Variants in EPHX2 observed in about 807,000 individuals in gnomAD.
EPHX2 encodes bifunctional epoxide hydrolase 2.
EPHX2 carries 74 observed loss-of-function variants against 78.7 expected under a neutral mutation model. The observed-to-expected ratio is 0.94, with a 90% CI of 0.78 to 1.14. The LOEUF is 1.14. Ranked by LOEUF, EPHX2 falls within the 50% of genes most tolerant of loss-of-function variation. EPHX2 has a pLI of 0.00. For missense variants in EPHX2, 715 were observed against 702.5 expected (o/e 1.02, Z -0.20); for synonymous variants, 251 against 255.2 (o/e 0.98, Z 0.16).
chr8:27,503,516 C>T lies in EPHX2; in HGVS notation c.187-88C>T, dbSNP rs1163633082. 2.3e-5 allele frequency: 33 copies of T among 1,413,306 alleles called. No individual in the cohort carries two copies. The Admixed American group carries it at 7.1e-4, about 30-fold the overall frequency. 87.5% of individuals were successfully genotyped at this position (1,413,306 alleles called of 1,614,324 possible). On this transcript the variant is annotated intron_variant, in intron 2 of 18. Transcript: ENST00000521400. ...GTCCAGGAGTGGAATTGCTTGGTCA[C>T]AGGGAATGTATATGTTTAGATTTAG... is the stretch of plus-strand genomic sequence containing the variant.
At chr8:27,503,381 A>G (rs1055782118) in intron 2 of EPHX2, among the ~76,000 whole-genome samples, 1 of 152,158 alleles carries the variant, frequency 6.6e-6, no homozygotes, top group Non-Finnish European at 1.5e-5. Context: ...TTCTGCTGTT[A>G]GTGGGCATTT....
intron 13 of EPHX2, among the ~76,000 whole-genome samples, chr8:27,538,112 GGAAGGCA>G (rs1815271024): frequency 6.6e-6 from 1 of 152,156 alleles, no homozygotes; most frequent in Admixed American, 6.5e-5. Flanking sequence ...CAAGCACTTG[GGAAGGCA>G]GGCCTAGAGC....
intron 2 of EPHX2, among the ~76,000 whole-genome samples, chr8:27,501,382 TTC>T (rs1491175033): frequency 4.4e-5 from 5 of 114,526 alleles, no homozygotes; most frequent in African/African-American, 7.8e-5. Context: ...CTTCTTCTTC[TTC>T]TTCTTCTTCT....
intron 6 of EPHX2, 61 bp downstream of exon 6, chr8:27,511,971 C>G (rs1814267911): frequency 6.6e-7 from 1 of 1,515,366 alleles, no homozygotes. Flanking sequence ...CTAAAACGAC[C>G]AGCAGAGACA....
chr8:27,530,343 G>A (rs1189057745), intron 12 of EPHX2, among the ~76,000 whole-genome samples: 1 of 152,166 alleles, frequency 6.6e-6, no homozygotes, highest in African/African-American at 2.4e-5. Context: ...CCTGTGTTGT[G>A]TAAAGTAAAA....
At position 27,531,439 on chromosome 8, in the gene EPHX2, A is replaced by G. The variant is rs769274991; in HGVS notation, c.1171-5345A>G. 5.8e-4 allele frequency among the ~76,000 whole-genome samples: 88 copies of G among 152,214 alleles called. 1 individual carries two copies. Among genetic ancestry groups the G allele is most frequent in the Non-Finnish European group, 1.2e-3 (84 of 68,034 alleles). On this transcript the variant is annotated intron_variant, in intron 12 of 18. Coordinates refer to ENST00000521400, the MANE Select transcript of EPHX2 (RefSeq NM_001979.6). ...AAGGTCAACAGTTTGCTGTCTGCCC[A>G]GATTTCGGATGCTTCCAGCCACTGC...
intron 1 of EPHX2, among the ~76,000 whole-genome samples, chr8:27,498,950 A>G (rs1387723653): frequency 3.3e-5 from 5 of 152,186 alleles, no homozygotes; most frequent in Admixed American, 2.0e-4. Context: ...AAAGGAATTT[A>G]TTTCTTGCAG....
At chr8:27,531,134 G>A (rs1815026242) in intron 12 of EPHX2, among the ~76,000 whole-genome samples, 1 of 152,242 alleles carries the variant, frequency 6.6e-6, no homozygotes, top group Admixed American at 6.5e-5. Flanking sequence ...TAAATTGGCA[G>A]TGTTGTGTTA....
In EPHX2 at chr8:27,543,775, G is replaced by C; in HGVS notation, c.1476G>C (p.Thr492=). The part of the protein sequence containing the change: ...RKILIPALMV[T]AEKDFVLVPQ... ...TCCTGATTCCGGCCCTGATGGTCAC[G>C]GCGGAGAAGGACTTCGTGCTCGTTC... Residue 492 remains threonine (T), a synonymous_variant, in exon 17 of 19, where the codon ACG becomes ACC. Transcript: ENST00000521400. 4 of 1,614,076 alleles carry C rather than the reference G, an allele frequency of 2.5e-6. No homozygotes were observed. The highest frequency in any genetic ancestry group is 3.4e-6 in the Non-Finnish European group (4 of 1,180,004).
downstream of EPHX2, among the ~76,000 whole-genome samples, chr8:27,546,153 T>A (rs1815573162): frequency 6.6e-6 from 1 of 151,060 alleles, no homozygotes; most frequent in South Asian, 2.1e-4. Context: ...AAAGAGAAGT[T>A]CTCCTTTCTA....
chr8:27,502,151 C>G (rs1465962518), intron 2 of EPHX2, among the ~76,000 whole-genome samples: 1 of 152,236 alleles, frequency 6.6e-6, no homozygotes, highest in African/African-American at 2.4e-5. Context: ...CAATAGATCA[C>G]TTTTACCTGT....
chr8:27,515,070 C>T (rs998245223), intron 6 of EPHX2, among the ~76,000 whole-genome samples: 4 of 152,160 alleles, frequency 2.6e-5, no homozygotes, highest in Non-Finnish European at 5.9e-5. Flanking sequence ...TCAGGAAGTT[C>T]TTGCCCTTTG....
At chr8:27,508,973 T>G (rs1814128703) in intron 5 of EPHX2, among the ~76,000 whole-genome samples, 1 of 136,868 alleles carries the variant, frequency 7.3e-6, no homozygotes, top group South Asian at 2.6e-4. Flanking sequence ...TTTTTTTTTT[T>G]GCTAGGGCTG....
At chr8:27,523,997 A>G (rs1481415390) in intron 11 of EPHX2, among the ~76,000 whole-genome samples, 1 of 151,346 alleles carries the variant, frequency 6.6e-6, no homozygotes, top group East Asian at 1.9e-4. Flanking sequence ...TAGTGGTGCA[A>G]CCTTGGCTTA....
chr8:27,529,652 C>T (rs1377314717), intron 12 of EPHX2, among the ~76,000 whole-genome samples: 5 of 152,044 alleles, frequency 3.3e-5, no homozygotes, highest in Non-Finnish European at 5.9e-5. Context: ...TTGGGCTGGG[C>T]GTGGTGACTC....
At position 27,540,642 on chromosome 8, in the gene EPHX2, G is replaced by T; in HGVS notation, c.1365G>T (p.Lys455Asn). ...TCCAGTTCTATGTGCAGCAGTTCAA[G>T]AAGTCTGGTTTCAGGTAAAGAGAGC... ...EEIQFYVQQF[K>N]KSGFRGPLNW... Residue 455 changes from lysine to asparagine, a missense_variant, in exon 15 of 19, where the codon AAG (lysine) becomes AAT (asparagine). By Grantham distance (94) the Lys-to-Asn change is moderately conservative (BLOSUM62 0). Coordinates refer to ENST00000521400, the MANE Select transcript of EPHX2 (RefSeq NM_001979.6). 6.2e-7 allele frequency: 1 copy of T among 1,614,044 alleles called. No homozygotes were observed. The highest frequency in any genetic ancestry group is 8.5e-7 in the Non-Finnish European group (1 of 1,179,946).
At chr8:27,539,222 C>T (rs1337366819) in intron 14 of EPHX2, 1 of 154,032 alleles carries the variant, frequency 6.5e-6, no homozygotes, top group Non-Finnish European at 1.4e-5. Flanking sequence ...CAGCACTCTT[C>T]CCACAAGACC....
Position 27,506,919 on chromosome 8 carries a change from C to T in EPHX2, c.585C>T (p.Asp195=), listed in dbSNP as rs1814030324. 1.9e-6 allele frequency: 3 copies of T among 1,614,150 alleles called. No homozygotes were observed. The highest frequency in any genetic ancestry group is 2.2e-5 in the East Asian group (1 of 44,886). The change falls in exon 5 of 19, where the codon GAC becomes GAT. Residue 195 remains aspartate, a synonymous_variant. Transcript: ENST00000521400. ...GGGCTAATCTGAAGCCAGCCCGTGA[C>T]TTGGGAATGGTCACCATCCTGGTCC... ...DIGANLKPAR[D]LGMVTILVQD...
intron 9 of EPHX2, 30 bp from the exon 10 acceptor site, chr8:27,520,853 G>A (rs1814619899): frequency 6.2e-7 from 1 of 1,614,206 alleles, no homozygotes; most frequent in East Asian, 2.2e-5. Context: ...TGTGGTTGCT[G>A]ATTTTGCCTG....
Sources: allele counts gnomAD v4.1 joint callset (sites outside exome capture counted in the v4.1 genomes callset), GRCh38; gene constraint gnomAD v4.1.1; transcripts MANE v1.5; gene names NCBI Gene and HGNC (gene_info 2026-07-23, HGNC 2026-07-21).